Variants in IQCJ observed in about 807,000 individuals in gnomAD.
IQCJ encodes IQ motif containing J, also known as IQ domain-containing protein J.
A neutral mutation model predicts 11.0 loss-of-function variants in IQCJ; 9 were observed. The ratio of observed to expected loss-of-function variants is 0.82; its 90% CI spans 0.49 to 1.43. IQCJ has a LOEUF of 1.43. Among genes scored for constraint, IQCJ ranks in the 40% most tolerant of loss-of-function variants. The pLI is 0.00. For missense variants in IQCJ, 146 were observed against 133.2 expected, an observed-to-expected ratio of 1.10 and a Z score of -0.47; for synonymous variants, 55 against 51.3, an observed-to-expected ratio of 1.07 and a Z score of -0.31.
At chr3:159,146,232 G>A (rs562667909) in intron 1 of IQCJ, among the ~76,000 whole-genome samples, 9 of 152,168 alleles carry the variant, frequency 5.9e-5, no homozygotes, top group Non-Finnish European at 1.5e-5. Context: ...CTAGTTTGAA[G>A]ATGTGGCAAA....
chr3:159,187,822 G>A (rs77461060), intron 1 of IQCJ, among the ~76,000 whole-genome samples: 7,406 of 152,250 alleles, frequency 0.049, 559 homozygotes, highest in African/African-American at 0.17. Flanking sequence ...CTTGTCCTGA[G>A]AGTGAAAGCT....
At chr3:159,126,630 G>T (rs1302520814) in intron 1 of IQCJ, among the ~76,000 whole-genome samples, 1 of 152,194 alleles carries the variant, frequency 6.6e-6, no homozygotes, top group African/African-American at 2.4e-5. Context: ...AATTGAAAAA[G>T]CTGGGTGTTT....
At chr3:159,107,923 A>C (rs190581829) in intron 1 of IQCJ, among the ~76,000 whole-genome samples, 1 of 146,758 alleles carries the variant, frequency 6.8e-6, no homozygotes, top group Admixed American at 7.2e-5. Flanking sequence ...TGAAGAACTC[A>C]CTGCCACGCT....
chr3:159,161,496 T>A (rs1273720084), intron 1 of IQCJ, among the ~76,000 whole-genome samples: 1 of 152,202 alleles, frequency 6.6e-6, no homozygotes, highest in African/African-American at 2.4e-5. Context: ...CTCACTCTGA[T>A]GGTAGTTTCT....
At chr3:159,141,619 A>T (rs1720609114) in intron 1 of IQCJ, among the ~76,000 whole-genome samples, 1 of 152,236 alleles carries the variant, frequency 6.6e-6, no homozygotes, top group East Asian at 1.9e-4. Flanking sequence ...GTCTCTTCAA[A>T]TATTGTTAAT....
chr3:159,108,564 T>C (rs1718417967), intron 1 of IQCJ, among the ~76,000 whole-genome samples: 1 of 152,218 alleles, frequency 6.6e-6, no homozygotes, highest in Admixed American at 6.5e-5. Context: ...ACTCTATCAG[T>C]TACTTACATT....
intron 1 of IQCJ, among the ~76,000 whole-genome samples, chr3:159,094,470 A>G (rs868795742): frequency 2.0e-5 from 2 of 98,382 alleles, no homozygotes; most frequent in Middle Eastern, 8.3e-3. Context: ...TTTTAAATAT[A>G]TGTCCATGAT....
Position 159,184,422 on chromosome 3 carries a change from C to G in IQCJ, c.10-61421C>G, listed in dbSNP as rs1378255325. Among the ~76,000 whole-genome samples the G allele has an allele frequency of 5.9e-5, 9 of 152,302 alleles. No individual in the cohort carries two copies. The East Asian group carries it at 1.7e-3, about 29-fold the overall frequency. On this transcript the variant is annotated intron_variant, in intron 1 of 3. Transcript: ENST00000397832. ...CATTTCCTGATAACTTATAGCTCTT[C>G]TCAATGTCTAAACTTATTGAGGCAT...
intron 1 of IQCJ, among the ~76,000 whole-genome samples, chr3:159,158,451 G>A (rs965127823): frequency 2.0e-5 from 3 of 152,150 alleles, no homozygotes; most frequent in Non-Finnish European, 4.4e-5. Context: ...TTCCCTGGTG[G>A]TTGATTGAAA....
At chr3:159,193,473 A>G (rs1383435271) in intron 1 of IQCJ, among the ~76,000 whole-genome samples, 1 of 152,168 alleles carries the variant, frequency 6.6e-6, no homozygotes, top group East Asian at 1.9e-4. Context: ...GTATACCCAT[A>G]TGAGTATGCC....
chr3:159,092,882 G>A (rs1326220337), intron 1 of IQCJ, among the ~76,000 whole-genome samples: 1 of 151,584 alleles, frequency 6.6e-6, no homozygotes, highest in Admixed American at 6.6e-5. Context: ...GTATTTAGGG[G>A]TGAAGTTTCA....
intron 1 of IQCJ, among the ~76,000 whole-genome samples, chr3:159,240,108 G>T (rs867960391): frequency 7.2e-5 from 11 of 152,156 alleles, no homozygotes; most frequent in Middle Eastern, 3.4e-3. Context: ...GAAAATAGGG[G>T]ATAAATGTGG....
At chr3:159,134,459 C>T (rs549272565) in intron 1 of IQCJ, among the ~76,000 whole-genome samples, 3 of 152,142 alleles carry the variant, frequency 2.0e-5, no homozygotes, top group Non-Finnish European at 2.9e-5. Context: ...ATTAACTCAG[C>T]TTTTATGATT....
intron 2 of IQCJ, among the ~76,000 whole-genome samples, chr3:159,246,551 G>A (rs753281997): frequency 1.3e-5 from 2 of 152,152 alleles, no homozygotes; most frequent in Non-Finnish European, 2.9e-5. Flanking sequence ...GTTGCCTCGA[G>A]AATCCTTGCT....
chr3:159,238,794 G>C (rs540394583), intron 1 of IQCJ, among the ~76,000 whole-genome samples: 1 of 152,176 alleles, frequency 6.6e-6, no homozygotes, highest in African/African-American at 2.4e-5. Flanking sequence ...GGGCACGTGA[G>C]TTCTGGGATT....
chr3:159,260,137 T>G (rs1008662819), intron 3 of IQCJ, among the ~76,000 whole-genome samples: 1 of 152,204 alleles, frequency 6.6e-6, no homozygotes, highest in African/African-American at 2.4e-5. Flanking sequence ...GGTATGCCAA[T>G]TTCCAAATTC....
intron 1 of IQCJ, among the ~76,000 whole-genome samples, chr3:159,150,021 A>G (rs1476589894): frequency 1.3e-5 from 2 of 151,952 alleles, no homozygotes; most frequent in African/African-American, 4.8e-5. Flanking sequence ...AGCACTTCCC[A>G]CCCACCAACA....
intron 1 of IQCJ, among the ~76,000 whole-genome samples, chr3:159,162,807 A>T (rs890725044): frequency 3.3e-5 from 5 of 152,244 alleles, no homozygotes; most frequent in Non-Finnish European, 7.3e-5. Context: ...CTATGCAAAT[A>T]AACTAGAAAA....
chr3:159,162,606 A>T (rs1246340072), intron 1 of IQCJ, among the ~76,000 whole-genome samples: 1 of 152,282 alleles, frequency 6.6e-6, no homozygotes, highest in Non-Finnish European at 1.5e-5. Flanking sequence ...GACACAAAAA[A>T]CCCTTCAAAA....
Sources: gnomAD v4.1 joint callset for allele counts (sites outside exome capture counted in the v4.1 genomes callset) on GRCh38, gnomAD v4.1.1 for gene constraint, MANE v1.5 for transcripts, NCBI Gene and HGNC (gene_info 2026-07-23, HGNC 2026-07-21) for gene names.